Variants in GYG2 observed in about 807,000 individuals in gnomAD.
GYG2 encodes glycogenin-2.
A neutral mutation model predicts 29.4 loss-of-function variants in GYG2; 29 were observed. The observed-to-expected ratio is 0.99, with a 90% CI of 0.74 to 1.35. The LOEUF (loss-of-function observed/expected upper bound fraction) is 1.35. GYG2 is among the 40% of genes most tolerant of loss of function. The pLI is 0.00. For missense variants in GYG2, 370 were observed against 385.7 expected (o/e 0.96, Z 0.34); for synonymous variants, 167 against 172.3 (o/e 0.97, Z 0.24).
rs2087951995 is a variant in GYG2, at chrX:2,855,070, CA to C, written c.404del (p.Asn135IlefsTer35). 8.3e-7 allele frequency: 1 copy of C among 1,209,293 alleles called. No individual in the cohort carries two copies. Among genetic ancestry groups the C allele is most frequent in the South Asian group, 1.8e-5 (1 of 56,808 alleles). On this transcript the variant is annotated frameshift_variant, in exon 5 of 11. Coordinates refer to ENST00000398806, the MANE Select transcript of GYG2 (RefSeq NM_001079855.2). LOFTEE classifies it high-confidence loss of function. ...CGGACCCCGGATGGCCGGATTGCTT[CA>C]ATAGCGGGGTGTTTGTCTTCCAGCC... The part of the protein sequence containing the change: ...APDPGWPDCF[N>X]SGVFVFQPSL...
intron 8 of GYG2, among the ~76,000 whole-genome samples, chrX:2,873,887 C>A (rs2088532348): frequency 9.1e-6 from 1 of 110,142 alleles, no homozygotes; most frequent in Non-Finnish European, 1.9e-5. Flanking sequence ...GTCAGGAGTT[C>A]AAGACCAGCC....
chrX:2,843,480 C>A, intron 3 of GYG2, 126 bp downstream of exon 3: 1 of 504,700 alleles, frequency 2.0e-6, no homozygotes, highest in Non-Finnish European at 3.3e-6. Flanking sequence ...GGATGGCCGG[C>A]AGTCATGATG....
In GYG2 at chrX:2,862,019, G is replaced by A; in HGVS notation, c.1038+297G>A. Among the ~76,000 whole-genome samples the A allele has an allele frequency of 2.7e-5, 3 of 111,637 alleles. No homozygotes were observed. In the Middle Eastern group the frequency reaches 0.014, roughly 514 times the overall value. ...GAGGGACCCTGAGCTGGGGAGGTAT[G>A]GTCTTGGATTCTGGGAGTGGGCTCT... On this transcript the variant is annotated intron_variant, in intron 8 of 10. Coordinates refer to ENST00000398806, the MANE Select transcript of GYG2 (RefSeq NM_001079855.2).
chrX:2,846,049 ATATATATTTTTTTT>A, intron 3 of GYG2, among the ~76,000 whole-genome samples: 1 of 21,966 alleles, frequency 4.6e-5, no homozygotes, highest in Non-Finnish European at 8.1e-5. Context: ...ATATATATAT[ATATATATTTTTTTT>A]TTTTTTTTTT....
At position 2,853,966 on chromosome X, in the gene GYG2, CAT is replaced by C. The variant is rs747701015; in HGVS notation, c.150-13_150-12del. On this transcript the variant is annotated splice_polypyrimidine_tract_variant and intron_variant, in intron 3 of 10. Transcript: ENST00000398806. The stretch of plus-strand genomic sequence containing the variant: ...TCACCCGCTGTCCCACTATTTGGCA[CAT>C]GTCTGTTCCAGGGTCATCCTCTCGA... The C allele has an allele frequency of 8.5e-7, 1 of 1,175,787 alleles. No homozygotes were observed. The highest frequency in any genetic ancestry group is 3.0e-5 in the East Asian group (1 of 33,657).
chrX:2,873,690 C>T (rs2088527113), intron 8 of GYG2, among the ~76,000 whole-genome samples: 1 of 111,452 alleles, frequency 9.0e-6, no homozygotes, highest in South Asian at 3.8e-4. Context: ...TCTTGTGTAA[C>T]TAAAACTTCA....
chrX:2,843,683 A>G (rs5982884), intron 3 of GYG2, among the ~76,000 whole-genome samples: 41,930 of 110,958 alleles, frequency 0.38, 5,928 homozygotes, highest in African/African-American at 0.48. Flanking sequence ...AGGCTGGAGT[A>G]CAGTGGTACC....
rs757285229 is a variant in GYG2, at chrX:2,877,195, T to G, written c.1144-5T>G. ...CAGACTAATGATGGAATGGTTATGT[T>G]TTAGCAGCCAGCAAATAAAGTCGAA... On this transcript the variant is annotated splice_polypyrimidine_tract_variant and splice_region_variant and intron_variant, in intron 9 of 10. Transcript: ENST00000398806. 3 of 1,205,241 alleles carry G rather than the reference T, an allele frequency of 2.5e-6. No homozygotes were observed. In the East Asian group the frequency reaches 8.9e-5, roughly 36 times the overall value.
intron 6 of GYG2, among the ~76,000 whole-genome samples, chrX:2,859,559 TA>T (rs1297542648): frequency 2.7e-5 from 3 of 110,930 alleles, no homozygotes; most frequent in African/African-American, 9.8e-5. Context: ...AGTAGTAGTG[TA>T]TTATTATTGA....
rs2088115811 is a variant in GYG2, at chrX:2,859,906, C to G, written c.678C>G (p.Tyr226Ter). ...LGSMKPWNYKYNPQSGSVLEQ... is the reference protein window; with the variant it reads ...LGSMKPWNYK ...CCATGAAACCTTGGAACTACAAGTA[C>G]AATCCACAGAGTGGCTCGGTGTTGG... The change falls in exon 7 of 11, where the codon TAC becomes TAG. Residue 226 changes from tyrosine to a stop codon, truncating the protein, a stop_gained. Coordinates refer to ENST00000398806, the MANE Select transcript of GYG2 (RefSeq NM_001079855.2). LOFTEE classifies it high-confidence loss of function. 8.3e-7 allele frequency: 1 copy of G among 1,203,526 alleles called. No individual in the cohort carries two copies. Among genetic ancestry groups the G allele is most frequent in the Admixed American group, 2.2e-5 (1 of 45,511 alleles).
rs761636657 is a variant in GYG2 at position 2,844,734 on chromosome X, G to A, written c.149+1380G>A. Among the ~76,000 whole-genome samples the A allele has an allele frequency of 5.1e-4, 48 of 93,558 alleles. 8 individuals carry two copies. The highest frequency in any genetic ancestry group is 1.9e-3 in the African/African-American group (44 of 23,625). 81.2% of individuals were successfully genotyped at this position (93,558 alleles called of 115,157 possible). On this transcript the variant is annotated intron_variant, in intron 3 of 10. Coordinates refer to ENST00000398806, the MANE Select transcript of GYG2 (RefSeq NM_001079855.2). ...CATGCGTATATGTGTATACGCACAC[G>A]CATGCGTATATGTGTATACGCACAC...
chrX:2,831,687 G>A (rs1203286051), intron 2 of GYG2, among the ~76,000 whole-genome samples: 2 of 111,777 alleles, frequency 1.8e-5, no homozygotes, highest in Non-Finnish European at 3.8e-5. Flanking sequence ...GGTCAGCCTC[G>A]TGCCAGAAGA....
At chrX:2,877,471 C>A (rs2088629693) in intron 10 of GYG2, 164 bp downstream of exon 10, 27 of 1,080,853 alleles carry the variant, frequency 2.5e-5, no homozygotes, top group Non-Finnish European at 3.1e-5. Flanking sequence ...TCTGTCTTCT[C>A]TCTGGCATTT....
intron 3 of GYG2, among the ~76,000 whole-genome samples, chrX:2,847,389 A>G (rs1221119076): frequency 9.0e-6 from 1 of 110,610 alleles, no homozygotes; most frequent in African/African-American, 3.3e-5. Flanking sequence ...AACTAAACAT[A>G]TAACAAAAAG....
intron 8 of GYG2, among the ~76,000 whole-genome samples, chrX:2,868,372 G>T (rs1004412973): frequency 9.7e-6 from 1 of 103,615 alleles, no homozygotes; most frequent in African/African-American, 3.6e-5. Context: ...GCCGGAAATC[G>T]CTTGAACCCG....
At chrX:2,835,590 G>A (rs2087356595) in intron 2 of GYG2, among the ~76,000 whole-genome samples, 2 of 111,716 alleles carry the variant, frequency 1.8e-5, no homozygotes, top group Admixed American at 1.9e-4. Context: ...GATAGAAGAA[G>A]AGACACAGAC....
chrX:2,833,593 C>T (rs1371971443), intron 2 of GYG2, among the ~76,000 whole-genome samples: 4 of 111,822 alleles, frequency 3.6e-5, no homozygotes, highest in African/African-American at 1.3e-4. Context: ...AATCATTGAT[C>T]ACTTTGCCAG....
intron 3 of GYG2, among the ~76,000 whole-genome samples, chrX:2,845,734 C>T (rs1239035126): frequency 3.0e-5 from 3 of 99,996 alleles, no homozygotes; most frequent in East Asian, 3.2e-4. Flanking sequence ...TGCATGTGTA[C>T]GTATATTTAT....
chrX:2,830,174 G>A lies in GYG2; in HGVS notation c.-15G>A, dbSNP rs781438712. 10 of 1,207,047 alleles carry A rather than the reference G, an allele frequency of 8.3e-6. No individual in the cohort carries two copies. In the South Asian group the frequency reaches 1.4e-4, roughly 17 times the overall value. ...GTCTGCAGGTCCGCGCCCACTGCCC[G>A]CGGCGCCACTGACCATGTCGGGTGA... is the stretch of plus-strand genomic sequence containing the variant. On this transcript the variant is annotated 5_prime_UTR_variant, in exon 2 of 11. Coordinates refer to ENST00000398806, the MANE Select transcript of GYG2 (RefSeq NM_001079855.2).
Sources: allele counts gnomAD v4.1 joint callset (sites outside exome capture counted in the v4.1 genomes callset), GRCh38; gene constraint gnomAD v4.1.1; transcripts MANE v1.5; gene names NCBI Gene and HGNC (gene_info 2026-07-23, HGNC 2026-07-21).